The following SRGAP2C variants were observed in gnomAD, a reference collection of about 807,000 sequenced individuals.
The protein encoded by SRGAP2C is SLIT-ROBO Rho GTPase activating protein 2C.
In SRGAP2C, 15 loss-of-function variants were observed where a neutral mutation model predicts 25.1. That is an observed-to-expected ratio of 0.60 (90% CI 0.40 to 0.92). The LOEUF (loss-of-function observed/expected upper bound fraction) is 0.92, where lower values mean the gene tolerates loss of function less well. Among genes scored for constraint, SRGAP2C ranks in the 40% least tolerant of loss-of-function variants. SRGAP2C has a pLI of 0.00. For missense variants in SRGAP2C, 144 were observed against 264.4 expected (o/e 0.54, Z 3.16); for synonymous variants, 44 against 96.6 (o/e 0.46, Z 3.19).
At chr1:121,307,313 G>A (rs1657863144) in intron 3 of SRGAP2C, among the ~76,000 whole-genome samples, 1 of 151,722 alleles carries the variant, frequency 6.6e-6, no homozygotes, top group South Asian at 2.1e-4. Context: ...AATTTTTTGA[G>A]AAATGCTAGT....
At chr1:121,385,766 A>G (rs1200629907) in intron 8 of SRGAP2C, among the ~76,000 whole-genome samples, 9 of 151,972 alleles carry the variant, frequency 5.9e-5, no homozygotes, top group Admixed American at 5.9e-4. Flanking sequence ...TCTGTCATCC[A>G]GGGGACTGTG....
At chr1:121,336,055 G>A (rs1333176097) in intron 4 of SRGAP2C, among the ~76,000 whole-genome samples, 1 of 151,386 alleles carries the variant, frequency 6.6e-6, no homozygotes, top group African/African-American at 2.4e-5. Context: ...TATACTTAAG[G>A]CATGGCCTTT....
At chr1:121,263,130 G>C (rs1199751912) in intron 2 of SRGAP2C, among the ~76,000 whole-genome samples, 1 of 151,764 alleles carries the variant, frequency 6.6e-6, no homozygotes, top group East Asian at 1.9e-4. Flanking sequence ...GAGTTGGGCA[G>C]ATCGCTTGAG....
At chr1:121,262,534 G>T (rs1656649927) in intron 2 of SRGAP2C, among the ~76,000 whole-genome samples, 1 of 85,666 alleles carries the variant, frequency 1.2e-5, no homozygotes, top group African/African-American at 4.7e-5. Context: ...CATTGTTAAA[G>T]ACAGGGAAAG....
In SRGAP2C at chr1:121,357,208, C is replaced by T. The variant is rs1216293727; in HGVS notation, c.424-8085C>T. On this transcript the variant is annotated intron_variant, in intron 4 of 9. Transcript: ENST00000367123. ...CACATTCCAGAGCTTCTGGAAAAGC[C>T]GTAAGGAAATGGCTTTCAGAAAGCC... Among the ~76,000 whole-genome samples, 22 of 140,298 alleles carry T rather than the reference C, an allele frequency of 1.6e-4. 1 individual carries two copies. The highest frequency in any genetic ancestry group is 1.1e-3 in the Admixed American group (16 of 13,984). The allele number at this position is 140,298 out of a possible 152,430, so 92.0% of individuals were successfully genotyped here.
chr1:121,209,108 C>CTT (rs1655187937), intron 2 of SRGAP2C, among the ~76,000 whole-genome samples: 1 of 117,872 alleles, frequency 8.5e-6, no homozygotes, highest in Non-Finnish European at 1.8e-5. Context: ...CTTATCTGTA[C>CTT]TTTTCTCTTC....
rs1335408501 is a variant in SRGAP2C, at chr1:121,297,609, A to T, written c.260+12614A>T. On this transcript the variant is annotated intron_variant, in intron 3 of 9. Transcript: ENST00000367123. ...TGCTCAATAAATGGTAGCTGATAATAATTATCAGGAAAAGTCAATCCTGAT... is the reference window on the plus strand; with the variant it reads ...TGCTCAATAAATGGTAGCTGATAATTATTATCAGGAAAAGTCAATCCTGAT... Among the ~76,000 whole-genome samples the T allele has an allele frequency of 2.0e-5, 3 of 151,404 alleles. No individual in the cohort carries two copies. The Admixed American group carries it at 2.0e-4, about 10-fold the overall frequency.
chr1:121,230,414 A>T (rs1553327321), intron 2 of SRGAP2C, among the ~76,000 whole-genome samples: 4 of 47,738 alleles, frequency 8.4e-5, no homozygotes, highest in Non-Finnish European at 1.3e-4. Context: ...GATCATGTTT[A>T]CCCCTCTGTT....
At chr1:121,235,034 T>C (rs1362677002) in intron 2 of SRGAP2C, among the ~76,000 whole-genome samples, 2 of 149,032 alleles carry the variant, frequency 1.3e-5, no homozygotes, top group Non-Finnish European at 3.0e-5. Context: ...TTCTTTTTTT[T>C]TTTTTGAGGC....
At chr1:121,313,897 A>T (rs1270467321) in intron 3 of SRGAP2C, among the ~76,000 whole-genome samples, 2 of 135,224 alleles carry the variant, frequency 1.5e-5, no homozygotes, top group African/African-American at 5.6e-5. Flanking sequence ...TCTGACAGTT[A>T]TGTGTCTTCG....
At chr1:121,216,308 T>A (rs1206322553) in intron 2 of SRGAP2C, among the ~76,000 whole-genome samples, 3 of 152,094 alleles carry the variant, frequency 2.0e-5, no homozygotes, top group Admixed American at 6.5e-5. Context: ...CAATGCTGTC[T>A]CTTCCATTTC....
At position 121,260,388 on chromosome 1, in the gene SRGAP2C, T is replaced by A. The variant is rs587707426; in HGVS notation, c.68-24415T>A. Among the ~76,000 whole-genome samples, 4 of 152,038 alleles carry A rather than the reference T, an allele frequency of 2.6e-5. No homozygotes were observed. In the East Asian group the frequency reaches 5.8e-4, roughly 22 times the overall value. ...TTGAGGAATGGCAAGAAGGCCACTG[T>A]GGCTGAAGCAGAGTGCTCTGGTGGG... On this transcript the variant is annotated intron_variant, in intron 2 of 9. Transcript: ENST00000367123.
At chr1:121,189,094 G>GTTT (rs1329333047) in intron 2 of SRGAP2C, among the ~76,000 whole-genome samples, 5 of 31,902 alleles carry the variant, frequency 1.6e-4, no homozygotes, top group Admixed American at 3.0e-4. Context: ...AACCAGATAT[G>GTTT]TCTTTTTTTT....
intron 3 of SRGAP2C, among the ~76,000 whole-genome samples, chr1:121,316,970 C>A (rs1323037095): frequency 6.6e-6 from 1 of 151,482 alleles, no homozygotes; most frequent in Non-Finnish European, 1.5e-5. Flanking sequence ...AGGGAAGGTC[C>A]CCCAGGTCTA....
rs2101686709 is a variant in SRGAP2C, at chr1:121,389,097, G to A, written c.*1242G>A. 1 of 152,088 alleles carries A rather than the reference G, an allele frequency of 6.6e-6. No homozygotes were observed. The highest frequency in any genetic ancestry group is 1.9e-4 in the East Asian group (1 of 5,172). The allele number at this position is 152,088 out of a possible 1,614,324, so 9.4% of individuals were successfully genotyped here. The stretch of plus-strand genomic sequence containing the variant: ...ATTTTATTCTAAAAAATAGGACACT[G>A]CTGTACATATTGTTTTACAATCTAA... On this transcript the variant is annotated 3_prime_UTR_variant, in exon 10 of 10. Transcript: ENST00000367123.
rs1457084790 is a variant in SRGAP2C, at chr1:121,312,963, C to G, written c.261-11515C>G. 2.8e-4 allele frequency among the ~76,000 whole-genome samples: 11 copies of G among 38,908 alleles called. 1 individual carries two copies. The highest frequency in any genetic ancestry group is 1.0e-3 in the African/African-American group (10 of 9,530). The allele number at this position is 38,908 out of a possible 152,430, so 25.5% of individuals were successfully genotyped here. A position where few individuals can be genotyped will look rare whatever the true frequency, so the allele number is the denominator to read the frequency against. Reference sequence around the variant, plus strand: ...GGTCCGCTTGGTGCAGAGCTGAGTTCAATTCCTGGGTATCCTTGTTGACTT... The same window carrying G: ...GGTCCGCTTGGTGCAGAGCTGAGTTGAATTCCTGGGTATCCTTGTTGACTT... On this transcript the variant is annotated intron_variant, in intron 3 of 9. Transcript: ENST00000367123.
At chr1:121,328,889 TAAAA>T (rs1300958463) in intron 4 of SRGAP2C, among the ~76,000 whole-genome samples, 113 of 75,210 alleles carry the variant, frequency 1.5e-3, no homozygotes, top group African/African-American at 4.9e-3. Context: ...CCTGTCTGTT[TAAAA>T]AAAAAAAAAA....
intron 2 of SRGAP2C, among the ~76,000 whole-genome samples, chr1:121,279,060 G>T (rs1275501222): frequency 6.6e-6 from 1 of 151,948 alleles, no homozygotes; most frequent in Non-Finnish European, 1.5e-5. Context: ...GAAAAAGACT[G>T]GCAGTCAGAC....
At chr1:121,212,979 G>A (rs1655303683) in intron 2 of SRGAP2C, among the ~76,000 whole-genome samples, 2 of 125,708 alleles carry the variant, frequency 1.6e-5, no homozygotes, top group Admixed American at 7.8e-5. Flanking sequence ...AGCACCTCCA[G>A]TTTGACCTAC....
Sources: gnomAD v4.1 joint callset for allele counts (sites outside exome capture counted in the v4.1 genomes callset) on GRCh38, gnomAD v4.1.1 for gene constraint, MANE v1.5 for transcripts, NCBI Gene and HGNC (gene_info 2026-07-23, HGNC 2026-07-21) for gene names.